AXIN2: variants seen among roughly 807,000 people sequenced by gnomAD.
The protein encoded by AXIN2 is axin 2.
In AXIN2, 21 loss-of-function variants were observed where a neutral mutation model predicts 74.7. The observed-to-expected ratio is 0.28, with a 90% CI of 0.20 to 0.40. The LOEUF (loss-of-function observed/expected upper bound fraction) is 0.40, where lower values mean the gene tolerates loss of function less well. Among genes scored for constraint, AXIN2 ranks in the 10% least tolerant of loss-of-function variants. The pLI is 1.00. For missense variants in AXIN2, 1,144 were observed against 1,111.1 expected, an observed-to-expected ratio of 1.03 and a Z score of -0.42; for synonymous variants, 532 against 454.9, an observed-to-expected ratio of 1.17 and a Z score of -2.16.
chr17:65,536,234 A>G lies in AXIN2; in HGVS notation c.2141+86T>C. ...GGGAGGGTTTGAGACCCAGGCAGAA[A>G]GAGAGGCCCTCCCCATTAGCCACAG... On this transcript the variant is annotated intron_variant, in intron 8 of 10. Transcript: ENST00000307078. 6.6e-6 allele frequency: 9 copies of G among 1,373,856 alleles called. No individual in the cohort carries two copies. In the South Asian group the frequency reaches 1.1e-4, roughly 17 times the overall value. The allele number at this position is 1,373,856 out of a possible 1,614,324, so 85.1% of individuals were successfully genotyped here. A position where few individuals can be genotyped will look rare whatever the true frequency, so the allele number is the denominator to read the frequency against.
intron 2 of AXIN2, among the ~76,000 whole-genome samples, chr17:65,554,905 CGACACTGTGCGT>C (rs2044245548): frequency 6.6e-6 from 1 of 152,146 alleles, no homozygotes; most frequent in African/African-American, 2.4e-5. Context: ...GCACACACCT[CGACACTGTGCGT>C]GTGTGTGTCT....
Position 65,537,424 on chromosome 17 carries a change from G to C in AXIN2, c.1612C>G (p.Arg538Gly), listed in dbSNP as rs761539571. ...CCCCCAGGGCAGAAGCAGTGCACCC[G>C]CTGCGTGGCCTCCGCCTCGATCTCC... ...KEEIEAEATQ[R>G]VHCFCPGGSE... The change falls in exon 6 of 11, where the codon CGG becomes GGG. Residue 538 changes from arginine to glycine, a missense_variant. Physicochemically the swap from Arg to Gly is moderately radical, Grantham distance 125. This residue lies in a region of AXIN2 where 1,053 missense variants were observed against 973.5 expected (regional missense o/e 1.08). Transcript: ENST00000307078. 3.1e-6 allele frequency: 5 copies of C among 1,613,726 alleles called. No homozygotes were observed. The South Asian group carries it at 5.5e-5, about 18-fold the overall frequency.
At chr17:65,541,918 C>A (rs1018967298) in intron 3 of AXIN2, among the ~76,000 whole-genome samples, 4 of 152,206 alleles carry the variant, frequency 2.6e-5, no homozygotes, top group African/African-American at 9.7e-5. Flanking sequence ...GTAGGAGATT[C>A]TCAGGCCCCA....
At position 65,537,682 on chromosome 17, in the gene AXIN2, A is replaced by T; in HGVS notation, c.1354T>A (p.Cys452Ser). 1 of 1,557,562 alleles carries T rather than the reference A, an allele frequency of 6.4e-7. No individual in the cohort carries two copies. The highest frequency in any genetic ancestry group is 8.7e-7 in the Non-Finnish European group (1 of 1,151,556). ...TAGCGGCCTACGCCTGGAGACTGGCAGCCAGGGGTCTTGAGGACCCTGGAC... is the reference window on the plus strand; with the variant it reads ...TAGCGGCCTACGCCTGGAGACTGGCTGCCAGGGGTCTTGAGGACCCTGGAC... Reference protein sequence around the residue: ...HLSRVLKTPGCQSPGVGRYSP... With the variant: ...HLSRVLKTPGSQSPGVGRYSP... The change falls in exon 6 of 11, where the codon TGC becomes AGC. Residue 452 changes from cysteine (C) to serine (S), a missense_variant. Physicochemically the swap from Cys to Ser is moderately radical, Grantham distance 112. Transcript: ENST00000307078.
chr17:65,530,445 G>A (rs981000810), intron 10 of AXIN2, among the ~76,000 whole-genome samples: 6 of 152,180 alleles, frequency 3.9e-5, no homozygotes, highest in Non-Finnish European at 8.8e-5. Flanking sequence ...GCAGTGGGGT[G>A]GGGGAGGGAA....
intron 4 of AXIN2, among the ~76,000 whole-genome samples, chr17:65,538,848 G>A (rs999839406): frequency 1.3e-5 from 2 of 152,086 alleles, no homozygotes; most frequent in Non-Finnish European, 2.9e-5. Flanking sequence ...GGAGTCAAAC[G>A]GCCTGGATCA....
At chr17:65,538,166 G>A (rs775294617) in intron 5 of AXIN2, 37 bp downstream of exon 5, 4 of 1,613,828 alleles carry the variant, frequency 2.5e-6, no homozygotes, top group African/African-American at 1.3e-5. Context: ...CGCTCACGCC[G>A]TGGACGGAAG....
At chr17:65,541,409 C>A (rs1442382807) in intron 4 of AXIN2, 46 bp downstream of exon 4, 1 of 1,539,162 alleles carries the variant, frequency 6.5e-7, no homozygotes, top group African/African-American at 1.4e-5. Flanking sequence ...CTTTAGGACT[C>A]AACATGGCAG....
chr17:65,555,958 G>T (rs541622799), intron 2 of AXIN2, among the ~76,000 whole-genome samples: 1 of 152,004 alleles, frequency 6.6e-6, no homozygotes, highest in African/African-American at 2.4e-5. Flanking sequence ...GAAACTCTCA[G>T]GTCAATGACA....
At chr17:65,539,725 G>A (rs1368906579) in intron 4 of AXIN2, among the ~76,000 whole-genome samples, 3 of 152,246 alleles carry the variant, frequency 2.0e-5, no homozygotes, top group Admixed American at 2.0e-4. Flanking sequence ...AATTCAATGT[G>A]TTAATTTTTT....
At chr17:65,555,824 T>C (rs1264018735) in intron 2 of AXIN2, among the ~76,000 whole-genome samples, 1 of 152,208 alleles carries the variant, frequency 6.6e-6, no homozygotes, top group African/African-American at 2.4e-5. Context: ...TGATGTGAGA[T>C]CATCTGGCTA....
At chr17:65,553,478 C>G (rs1292176001) in intron 2 of AXIN2, among the ~76,000 whole-genome samples, 1 of 152,146 alleles carries the variant, frequency 6.6e-6, no homozygotes, top group Admixed American at 6.5e-5. Flanking sequence ...GAGAAAATGA[C>G]TCAATAGAAA....
At chr17:65,556,935 G>C (rs747766884) in intron 2 of AXIN2, among the ~76,000 whole-genome samples, 1 of 152,200 alleles carries the variant, frequency 6.6e-6, no homozygotes. Context: ...GAAGTCGGGA[G>C]GAGGGGAGAA....
At chr17:65,536,742 T>C (rs2043927768) in intron 7 of AXIN2, 127 bp downstream of exon 7, 3 of 1,472,370 alleles carry the variant, frequency 2.0e-6, no homozygotes, top group African/African-American at 2.8e-5. Flanking sequence ...CAACGTTTAA[T>C]ATTAAGATGG....
rs730881396 is a variant in AXIN2 at position 65,537,555 on chromosome 17, G to A, written c.1481C>T (p.Pro494Leu). The part of the protein sequence containing the change: ...GGKLPPAAAS[P>L]GACPLLGGKG... ...GCCCCCGAGGAGGGGGCAGGCGCCC[G>A]GCGAGGCGGCCGCGGGAGGCAGCTT... The change falls in exon 6 of 11, where the codon CCG becomes CTG. Residue 494 changes from proline to leucine, a missense_variant. Pro to Leu is a moderately conservative substitution (Grantham distance 98, BLOSUM62 -3). Around this residue, in one of 4 missense-constraint regions of AXIN2, gnomAD observed 1,053 missense variants for 973.5 expected, o/e 1.08. Coordinates refer to ENST00000307078, the MANE Select transcript of AXIN2 (RefSeq NM_004655.4). 82 of 1,612,186 alleles carry A rather than the reference G, an allele frequency of 5.1e-5. No homozygotes were observed. The highest frequency in any genetic ancestry group is 6.4e-5 in the Non-Finnish European group (76 of 1,179,538).
intron 2 of AXIN2, among the ~76,000 whole-genome samples, chr17:65,553,010 A>G (rs147589261): frequency 0.026 from 4,001 of 152,284 alleles, 165 homozygotes; most frequent in African/African-American, 0.09. Context: ...CCTAGGCAAC[A>G]AGAATGAAAC....
intron 3 of AXIN2, among the ~76,000 whole-genome samples, chr17:65,547,605 A>T (rs2044135090): frequency 6.6e-6 from 1 of 152,218 alleles, no homozygotes; most frequent in African/African-American, 2.4e-5. Context: ...AAGGACCAGG[A>T]AGCAAGCCAA....
At chr17:65,553,784 G>A (rs987888081) in intron 2 of AXIN2, among the ~76,000 whole-genome samples, 2 of 140,264 alleles carry the variant, frequency 1.4e-5, no homozygotes, top group African/African-American at 2.6e-5. Flanking sequence ...TTTGTCAAAA[G>A]TGCCACATAA....
rs2044022016 is a variant in AXIN2 at position 65,540,306 on chromosome 17, TTA to T, written c.1059+1147_1059+1148del. 2.0e-5 allele frequency among the ~76,000 whole-genome samples: 3 copies of T among 152,290 alleles called. No homozygotes were observed. In the South Asian group the frequency reaches 6.2e-4, roughly 32 times the overall value. ...CACTCAAATGTTTATTGAGCACCTA[TTA>T]TGTGTCAGGTACTGTTCTAGTCTCT... is the stretch of plus-strand genomic sequence containing the variant. On this transcript the variant is annotated intron_variant, in intron 4 of 10. Coordinates refer to ENST00000307078, the MANE Select transcript of AXIN2 (RefSeq NM_004655.4).
Sources: gnomAD v4.1 joint callset for allele counts (sites outside exome capture counted in the v4.1 genomes callset) on GRCh38, gnomAD v4.1.1 for gene constraint, gnomAD v4.1.1 regional missense constraint, MANE v1.5 for transcripts, NCBI Gene and HGNC (gene_info 2026-07-23, HGNC 2026-07-21) for gene names.